NOP14: variants seen among roughly 807,000 people sequenced by gnomAD.
NOP14 encodes the protein nucleolar protein 14.
NOP14 carries 57 observed loss-of-function variants against 101.6 expected under a neutral mutation model. The ratio of observed to expected loss-of-function variants is 0.56; its 90% CI spans 0.45 to 0.70. The LOEUF (loss-of-function observed/expected upper bound fraction) is 0.70. Among genes scored for constraint, NOP14 ranks in the 30% least tolerant of loss-of-function variants. The pLI, the probability that NOP14 is intolerant of heterozygous loss-of-function variation, is 0.00. For synonymous variants in NOP14, 428 were observed against 424.0 expected, an observed-to-expected ratio of 1.01 and a Z score of -0.12; for missense variants, 1,134 against 1,075.5, an observed-to-expected ratio of 1.05 and a Z score of -0.76.
chr4:2,941,896 CA>C (rs1459645268), intron 14 of NOP14, 167 bp from the exon 15 acceptor site: 4 of 787,746 alleles, frequency 5.1e-6, no homozygotes, highest in Non-Finnish European at 8.0e-6. Context: ...AAGGCAGGCT[CA>C]GGGTCAGGCC....
chr4:2,952,880 T>A (rs932072338), intron 5 of NOP14, among the ~76,000 whole-genome samples: 1 of 152,070 alleles, frequency 6.6e-6, no homozygotes, highest in African/African-American at 2.4e-5. Context: ...GAGGTGGAGG[T>A]TGCAGTGAGG....
intron 1 of NOP14, chr4:2,961,397 C>T (rs1432803060): frequency 1.9e-5 from 2 of 102,620 alleles, no homozygotes; most frequent in African/African-American, 3.8e-5. Context: ...TGTCCTGAGA[C>T]TGGCACCTGG....
In NOP14 at chr4:2,956,652, A is replaced by G. The variant is rs1019921488; in HGVS notation, c.472+18T>C. ...TGACTCCACGCCCACAGGCCCGTGC[A>G]CAGCACCCCAGCCTCACCAGACAAC... On this transcript the variant is annotated intron_variant, in intron 3 of 17. Coordinates refer to ENST00000416614, the MANE Select transcript of NOP14 (RefSeq NM_001291978.2). 1.2e-6 allele frequency: 2 copies of G among 1,606,706 alleles called. No homozygotes were observed. The highest frequency in any genetic ancestry group is 1.7e-6 in the Non-Finnish European group (2 of 1,177,704).
At position 2,946,463 on chromosome 4, in the gene NOP14, C is replaced by T; in HGVS notation, c.1584G>A (p.Met528Ile). Residue 528 changes from methionine to isoleucine, a missense_variant, in exon 11 of 18, where the codon ATG (methionine) becomes ATA (isoleucine). Transcript: ENST00000416614. Reference sequence around the variant, plus strand: ...GGCCTTTGGTCTCAATCATTTCTTCCATCTCATGCATCGCATCTCGGAGAA... The same window carrying T: ...GGCCTTTGGTCTCAATCATTTCTTCTATCTCATGCATCGCATCTCGGAGAA... The part of the protein sequence containing the change: ...KFVLRDAMHE[M>I]EEMIETKGRA... 6.2e-7 allele frequency: 1 copy of T among 1,614,258 alleles called. No individual in the cohort carries two copies. Among genetic ancestry groups the T allele is most frequent in the Non-Finnish European group, 8.5e-7 (1 of 1,180,042 alleles).
In NOP14 at chr4:2,950,185, A is replaced by T. The variant is rs143653586; in HGVS notation, c.1031T>A (p.Val344Asp). Reference sequence around the variant, plus strand: ...GGCTTCCTTGCTTTGCTCTTCCTGGACATCTTCCTCGACATTCATCTTTCC... The same window carrying T: ...GGCTTCCTTGCTTTGCTCTTCCTGGTCATCTTCCTCGACATTCATCTTTCC... ...KDGKMNVEEDVQEEQSKEASD... is the reference protein window; with the variant it reads ...KDGKMNVEEDDQEEQSKEASD... The change falls in exon 8 of 18, where the codon GTC (valine) becomes GAC (aspartate). Residue 344 changes from valine to aspartate, a missense_variant. Val to Asp is a radical substitution (Grantham distance 152, BLOSUM62 -3). Coordinates refer to ENST00000416614, the MANE Select transcript of NOP14 (RefSeq NM_001291978.2). The T allele has an allele frequency of 1.9e-6, 3 of 1,613,880 alleles. No homozygotes were observed. The highest frequency in any genetic ancestry group is 2.7e-5 in the African/African-American group (2 of 74,998).
At chr4:2,941,971 G>T in intron 14 of NOP14, 1 of 639,350 alleles carries the variant, frequency 1.6e-6, no homozygotes, top group Non-Finnish European at 2.6e-6. Context: ...TCCATTTTTG[G>T]TTCCAAATTA....
intron 1 of NOP14, among the ~76,000 whole-genome samples, chr4:2,959,517 C>G (rs992363858): frequency 6.6e-6 from 1 of 152,032 alleles, no homozygotes; most frequent in Non-Finnish European, 1.5e-5. Flanking sequence ...GGCGTGAACC[C>G]GGGAAGTGGA....
chr4:2,951,222 A>C lies in NOP14; in HGVS notation c.894T>G (p.Leu298=). The C allele has an allele frequency of 6.2e-7, 1 of 1,613,884 alleles. No individual in the cohort carries two copies. The highest frequency in any genetic ancestry group is 8.5e-7 in the Non-Finnish European group (1 of 1,179,852). ...KLEAERLRRM[L]GKDEDENVKK... is the part of the protein sequence containing the mutation. ...TAACATTTTCATCCTCATCCTTTCC[A>C]AGCATTCTTCGAAGTCTCTCAGCCT... Residue 298 remains leucine (L), a synonymous_variant, in exon 7 of 18, where the codon CTT becomes CTG. Coordinates refer to ENST00000416614, the MANE Select transcript of NOP14 (RefSeq NM_001291978.2).
chr4:2,938,573 A>G lies in NOP14; in HGVS notation c.*258T>C, dbSNP rs111996445. ...GCCGAGGCTGGAGTGCAGTGGCTCA[A>G]TCACGGCTCACTGTAACCTTGGACT... On this transcript the variant is annotated 3_prime_UTR_variant, in exon 18 of 18. Transcript: ENST00000416614. The G allele has an allele frequency of 1.9e-3, 933 of 496,796 alleles. 8 individuals carry two copies. The highest frequency in any genetic ancestry group is 3.2e-3 in the East Asian group (85 of 26,248). The allele number at this position is 496,796 out of a possible 1,614,324, so 30.8% of individuals were successfully genotyped here.
At chr4:2,948,148 A>G (rs1434015513) in intron 9 of NOP14, 130 bp downstream of exon 9, 5 of 1,169,746 alleles carry the variant, frequency 4.3e-6, no homozygotes, top group African/African-American at 1.6e-5. Flanking sequence ...ATCATAGGTA[A>G]CCATGTGACG....
In NOP14 at chr4:2,941,610, G is replaced by A. The variant is rs376459415; in HGVS notation, c.2171C>T (p.Ala724Val). 1.3e-4 allele frequency: 214 copies of A among 1,612,788 alleles called. No homozygotes were observed. The highest frequency in any genetic ancestry group is 1.6e-4 in the Non-Finnish European group (190 of 1,179,872). Residue 724 changes from alanine to valine, a missense_variant, in exon 15 of 18, where the codon GCG becomes GTG. Coordinates refer to ENST00000416614, the MANE Select transcript of NOP14 (RefSeq NM_001291978.2). The part of the protein sequence containing the change: ...PLQALLTDHL[A>V]DCSHPQELQE... ...GAGCTCCTGCGGGTGGCTGCAGTCCGCCAGGTGATCCGTGAGGAGGGCTTG... is the reference window on the plus strand; with the variant it reads ...GAGCTCCTGCGGGTGGCTGCAGTCCACCAGGTGATCCGTGAGGAGGGCTTG...
At position 2,946,510 on chromosome 4, in the gene NOP14, C is replaced by T. The variant is rs138082049; in HGVS notation, c.1537G>A (p.Ala513Thr). Reference protein sequence around the residue: ...YHLCQMFPESASDAIKFVLRD... With the variant: ...YHLCQMFPESTSDAIKFVLRD... ...AGAACAAATTTGATAGCGTCACTTG[C>T]AGATTCAGGAAACATCTGGCAAAGA... is the stretch of plus-strand genomic sequence containing the variant. The change falls in exon 11 of 18, where the codon GCA (alanine) becomes ACA (threonine). Residue 513 changes from alanine (A) to threonine (T), a missense_variant. Ala to Thr is a moderately conservative substitution (Grantham distance 58, BLOSUM62 0). Coordinates refer to ENST00000416614, the MANE Select transcript of NOP14 (RefSeq NM_001291978.2). 56 of 1,613,976 alleles carry T rather than the reference C, an allele frequency of 3.5e-5. No homozygotes were observed. The highest frequency in any genetic ancestry group is 4.5e-5 in the Non-Finnish European group (53 of 1,179,928).
At chr4:2,952,119 A>G (rs1560303800) in intron 6 of NOP14, among the ~76,000 whole-genome samples, 156 bp downstream of exon 6, 1 of 151,940 alleles carries the variant, frequency 6.6e-6, no homozygotes, top group Non-Finnish European at 1.5e-5. Context: ...GAAAAAAAAA[A>G]AAAAAGGTAT....
chr4:2,946,554 A>C lies in NOP14; in HGVS notation c.1500-7T>G. On this transcript the variant is annotated splice_region_variant and splice_polypyrimidine_tract_variant and intron_variant, in intron 10 of 17. Coordinates refer to ENST00000416614, the MANE Select transcript of NOP14 (RefSeq NM_001291978.2). ...GCAAAGATGATATAAGTGCCTGTTA[A>C]GCAGAAATGTAAAGTCAGGAGAGAA... 3.1e-6 allele frequency: 5 copies of C among 1,614,050 alleles called. No individual in the cohort carries two copies. The highest frequency in any genetic ancestry group is 4.2e-6 in the Non-Finnish European group (5 of 1,179,934).
chr4:2,946,310 A>G (rs1407374766), intron 11 of NOP14, 102 bp downstream of exon 11: 2 of 1,364,378 alleles, frequency 1.5e-6, no homozygotes, highest in Admixed American at 1.8e-5. Context: ...TCACCCTGGA[A>G]GCACAGGGTA....
chr4:2,952,768 C>T lies in NOP14; in HGVS notation c.748-371G>A, dbSNP rs191381508. Among the ~76,000 whole-genome samples the T allele has an allele frequency of 3.3e-3, 510 of 152,272 alleles. 1 individual carries two copies. Among genetic ancestry groups the T allele is most frequent in the African/African-American group, 0.012 (494 of 41,538 alleles). Reference sequence around the variant, plus strand: ...ATCAGCCTGGCCCAACATGGTGAAACCCTGTCTTTACTAAAAATACAAAAA... The same window carrying T: ...ATCAGCCTGGCCCAACATGGTGAAATCCTGTCTTTACTAAAAATACAAAAA... On this transcript the variant is annotated intron_variant, in intron 5 of 17. Coordinates refer to ENST00000416614, the MANE Select transcript of NOP14 (RefSeq NM_001291978.2).
chr4:2,941,520 G>C, intron 15 of NOP14, 62 bp downstream of exon 15: 1 of 1,509,406 alleles, frequency 6.6e-7, no homozygotes, highest in Non-Finnish European at 9.0e-7. Context: ...CCACCAGCTT[G>C]GCCCCAGCTC....
At position 2,952,341 on chromosome 4, in the gene NOP14, G is replaced by A. The variant is rs764887307; in HGVS notation, c.804C>T (p.Pro268=). 3.1e-6 allele frequency: 5 copies of A among 1,613,388 alleles called. No homozygotes were observed. The highest frequency in any genetic ancestry group is 4.2e-6 in the Non-Finnish European group (5 of 1,179,614). Residue 268 remains proline (P), a synonymous_variant, in exon 6 of 18, where the codon CCC becomes CCT. Coordinates refer to ENST00000416614, the MANE Select transcript of NOP14 (RefSeq NM_001291978.2). ...RELGFEMKAQ[P]SNRMKTEAEL... is the part of the protein sequence containing the mutation. Reference sequence around the variant, plus strand: ...CTGCCTCCGTCTTCATCCTGTTAGAGGGCTGCGCCTTCATTTCAAAGCCAA... The same window carrying A: ...CTGCCTCCGTCTTCATCCTGTTAGAAGGCTGCGCCTTCATTTCAAAGCCAA...
Position 2,954,438 on chromosome 4 carries a change from A to G in NOP14, c.598T>C (p.Ser200Pro). ...KELIEELIAK[S>P]KQEKRERQAQ... ...CACTAACCCACCTTCTCTTGTTTTG[A>G]CTTGGCAATGAGCTCTTCAATCAGC... Residue 200 changes from serine (S) to proline (P), a missense_variant, in exon 4 of 18, where the codon TCA becomes CCA. Ser to Pro is a moderately conservative substitution (Grantham distance 74). Transcript: ENST00000416614. 6.2e-7 allele frequency: 1 copy of G among 1,614,112 alleles called. No individual in the cohort carries two copies.
Sources: gnomAD v4.1 joint callset for allele counts (sites outside exome capture counted in the v4.1 genomes callset) on GRCh38, gnomAD v4.1.1 for gene constraint, MANE v1.5 for transcripts, NCBI Gene and HGNC (gene_info 2026-07-23, HGNC 2026-07-21) for gene names.